The following ARB2A variants were observed in gnomAD, a reference collection of about 807,000 sequenced individuals.
ARB2A encodes ARB2 cotranscriptional regulator A, also known as cotranscriptional regulator ARB2A.
At chr5:93,862,270 A>G in the ARB2A span, 1 of 152,224 alleles carries the variant, frequency 6.6e-6, no homozygotes, top group East Asian at 1.9e-4. Context: ...TAGTAACAGC[A>G]TTTCCACATC....
chr5:94,011,583 C>A, the ARB2A span, among the ~76,000 whole-genome samples: 1 of 151,908 alleles, frequency 6.6e-6, no homozygotes. Flanking sequence ...AACATGGGCA[C>A]AAAAGATTAA....
At chr5:94,042,671 T>C in the ARB2A span, among the ~76,000 whole-genome samples, 28 of 152,180 alleles carry the variant, frequency 1.8e-4, no homozygotes, top group South Asian at 4.1e-4. Context: ...TCTTACCTTA[T>C]GGTCAAGCAT....
chr5:93,683,046 C>T, the ARB2A span: 84 of 1,563,200 alleles, frequency 5.4e-5, no homozygotes, highest in Non-Finnish European at 6.7e-5. Context: ...TTGAAGGATT[C>T]TTGTCCTTTT....
chr5:93,896,807 G>C, the ARB2A span, among the ~76,000 whole-genome samples: 1 of 151,958 alleles, frequency 6.6e-6, no homozygotes, highest in African/African-American at 2.4e-5. Context: ...AATACTGTTT[G>C]CAAGTTTTTG....
At chr5:93,776,199 T>C in the ARB2A span, 1 of 1,612,272 alleles carries the variant, frequency 6.2e-7, no homozygotes, top group African/African-American at 1.3e-5. Context: ...TGGACTCCAC[T>C]GATGTGTCTA....
the ARB2A span, among the ~76,000 whole-genome samples, chr5:93,812,916 G>T: frequency 6.6e-6 from 1 of 152,152 alleles, no homozygotes; most frequent in Admixed American, 6.6e-5. Flanking sequence ...AGATTTAGAA[G>T]AGGCCATGAG....
the ARB2A span, among the ~76,000 whole-genome samples, chr5:93,960,542 T>G: frequency 1.3e-5 from 2 of 152,170 alleles, no homozygotes; most frequent in African/African-American, 4.8e-5. Flanking sequence ...ATAGTCTCAG[T>G]ACCTAAAATA....
chr5:93,936,087 A>G, the ARB2A span, among the ~76,000 whole-genome samples: 1 of 152,216 alleles, frequency 6.6e-6, no homozygotes, highest in Non-Finnish European at 1.5e-5. Context: ...GTCTAGAAGT[A>G]GTAACAAAGA....
At chr5:94,076,097 A>G in the ARB2A span, among the ~76,000 whole-genome samples, 2 of 152,222 alleles carry the variant, frequency 1.3e-5, no homozygotes, top group African/African-American at 4.8e-5. Context: ...TAATTGCTGT[A>G]AACAAATCAC....
the ARB2A span, among the ~76,000 whole-genome samples, chr5:93,835,447 G>A: frequency 9.4e-3 from 1,427 of 152,252 alleles, 29 homozygotes; most frequent in African/African-American, 0.032. Flanking sequence ...GTTATAAAAA[G>A]TAAGTACTCC....
At chr5:93,863,596 A>T in the ARB2A span, 1 of 151,964 alleles carries the variant, frequency 6.6e-6, no homozygotes, top group Non-Finnish European at 1.5e-5. Flanking sequence ...GCATTACTCT[A>T]GCATCCTGAG....
At chr5:93,822,707 T>A in the ARB2A span, among the ~76,000 whole-genome samples, 1 of 151,970 alleles carries the variant, frequency 6.6e-6, no homozygotes, top group African/African-American at 2.4e-5. Context: ...ACATTCATAT[T>A]TTAAAAAGTA....
the ARB2A span, chr5:93,861,671 T>C: frequency 6.6e-6 from 1 of 152,194 alleles, no homozygotes; most frequent in Non-Finnish European, 1.5e-5. Flanking sequence ...ATAAACTTTA[T>C]TATAGATGGT....
the ARB2A span, among the ~76,000 whole-genome samples, chr5:94,000,519 G>A: frequency 2.0e-3 from 302 of 152,102 alleles, 1 homozygote; most frequent in African/African-American, 7.0e-3. Flanking sequence ...TGTTATTGTT[G>A]AGTAGTTTTA....
chr5:93,688,489 C>A, the ARB2A span, among the ~76,000 whole-genome samples: 1 of 152,182 alleles, frequency 6.6e-6, no homozygotes, highest in Non-Finnish European at 1.5e-5. Flanking sequence ...TCATCTTAAA[C>A]AAATAAACTA....
At chr5:93,715,402 G>GC in the ARB2A span, among the ~76,000 whole-genome samples, 17 of 152,254 alleles carry the variant, frequency 1.1e-4, no homozygotes, top group Non-Finnish European at 2.4e-4. Flanking sequence ...GTCATAACAT[G>GC]TGTTACTGCA....
the ARB2A span, among the ~76,000 whole-genome samples, chr5:93,650,810 G>A: frequency 4.7e-5 from 7 of 150,390 alleles, no homozygotes; most frequent in African/African-American, 9.8e-5. Flanking sequence ...GTAACATAGC[G>A]AGACCTTTCT....
chr5:93,654,008 G>A, the ARB2A span, among the ~76,000 whole-genome samples: 48 of 152,252 alleles, frequency 3.2e-4, no homozygotes, highest in African/African-American at 9.6e-4. Flanking sequence ...ATTTAGTTCC[G>A]TTCAATAAAC....
At chr5:93,865,806 G>A in the ARB2A span, 2 of 985,362 alleles carry the variant, frequency 2.0e-6, no homozygotes, top group South Asian at 9.4e-5. Flanking sequence ...ATTTATGGAG[G>A]AGTCACTACT....
Sources: allele counts gnomAD v4.1 joint callset (sites outside exome capture counted in the v4.1 genomes callset), GRCh38; gene constraint gnomAD v4.1.1; transcripts MANE v1.5; gene names NCBI Gene and HGNC (gene_info 2026-07-23, HGNC 2026-07-21).